The following FARP1 variants were observed in gnomAD, a reference collection of about 807,000 sequenced individuals.
FARP1 encodes FERM, ARHGEF and pleckstrin domain-containing protein 1.
FARP1 carries 52 observed loss-of-function variants against 128.8 expected under a neutral mutation model. That is an observed-to-expected ratio of 0.40 (90% CI 0.32 to 0.51). The LOEUF (loss-of-function observed/expected upper bound fraction) is 0.51. Among genes scored for constraint, FARP1 ranks in the 20% least tolerant of loss-of-function variants. FARP1 has a pLI of 0.45. For missense variants in FARP1, 1,333 were observed against 1,367.9 expected, an observed-to-expected ratio of 0.97 and a Z score of 0.40; for synonymous variants, 580 against 551.8, an observed-to-expected ratio of 1.05 and a Z score of -0.72.
chr13:98,325,475 A>G (rs374758564), intron 2 of FARP1, among the ~76,000 whole-genome samples: 1 of 152,306 alleles, frequency 6.6e-6, no homozygotes, highest in African/African-American at 2.4e-5. Flanking sequence ...TTAAGGAGTA[A>G]ACCATCTCAC....
chr13:98,393,547 A>G, intron 11 of FARP1, 96 bp from the exon 12 acceptor site: 1 of 910,458 alleles, frequency 1.1e-6, no homozygotes. Context: ...GAAGGCACTA[A>G]TACGTCCAAC....
intron 1 of FARP1, among the ~76,000 whole-genome samples, chr13:98,182,465 T>TA (rs1168759235): frequency 6.6e-6 from 1 of 152,088 alleles, no homozygotes; most frequent in East Asian, 1.9e-4. Context: ...AGCTGGGACT[T>TA]ACAGGCACAC....
At chr13:98,394,111 C>CA (rs1890417045) in intron 12 of FARP1, among the ~76,000 whole-genome samples, 1 of 152,122 alleles carries the variant, frequency 6.6e-6, no homozygotes, top group Non-Finnish European at 1.5e-5. Flanking sequence ...GGTGCCAAGG[C>CA]CAGAAGCCTT....
At chr13:98,278,510 C>T (rs1342098338) in intron 2 of FARP1, among the ~76,000 whole-genome samples, 10 of 152,084 alleles carry the variant, frequency 6.6e-5, no homozygotes, top group Non-Finnish European at 1.2e-4. Flanking sequence ...CCCTAATGTG[C>T]AAACAGGGTT....
At chr13:98,308,048 T>A (rs1886261305) in intron 2 of FARP1, among the ~76,000 whole-genome samples, 1 of 22,702 alleles carries the variant, frequency 4.4e-5, no homozygotes, top group African/African-American at 1.6e-4. Flanking sequence ...TTTTTTTTTT[T>A]TTTTTTTTTT....
At chr13:98,344,716 A>G (rs1231600401) in intron 3 of FARP1, among the ~76,000 whole-genome samples, 1 of 152,236 alleles carries the variant, frequency 6.6e-6, no homozygotes, top group African/African-American at 2.4e-5. Context: ...CGTCAGAGGC[A>G]GTGCAGATCG....
intron 2 of FARP1, among the ~76,000 whole-genome samples, chr13:98,311,175 C>G (rs1886442967): frequency 6.6e-6 from 1 of 152,220 alleles, no homozygotes; most frequent in Non-Finnish European, 1.5e-5. Context: ...CCTAATGTAT[C>G]TATTGTGATA....
At chr13:98,368,864 C>A (rs1387689398) in intron 5 of FARP1, among the ~76,000 whole-genome samples, 1 of 151,908 alleles carries the variant, frequency 6.6e-6, no homozygotes, top group Non-Finnish European at 1.5e-5. Context: ...TTGTCGTCAC[C>A]ATCATCATCA....
chr13:98,418,279 T>TG (rs1485905790), intron 16 of FARP1, among the ~76,000 whole-genome samples: 12 of 148,318 alleles, frequency 8.1e-5, no homozygotes, highest in African/African-American at 2.9e-4. Context: ...TGTTTTGTTT[T>TG]TTGTTTTTTT....
At chr13:98,305,404 C>T (rs748225040) in intron 2 of FARP1, among the ~76,000 whole-genome samples, 35 of 151,990 alleles carry the variant, frequency 2.3e-4, no homozygotes, top group Middle Eastern at 3.4e-3. Flanking sequence ...CTCAGCTCAC[C>T]GCAGCCTCCA....
At chr13:98,239,960 A>G (rs1882667784) in intron 2 of FARP1, among the ~76,000 whole-genome samples, 1 of 152,094 alleles carries the variant, frequency 6.6e-6, no homozygotes, top group Non-Finnish European at 1.5e-5. Context: ...GAAGACGGCT[A>G]CCTCTCTTCT....
At chr13:98,263,065 G>A (rs1413289403) in intron 2 of FARP1, among the ~76,000 whole-genome samples, 5 of 152,008 alleles carry the variant, frequency 3.3e-5, no homozygotes, top group African/African-American at 4.8e-5. Context: ...CTGGAGTGCC[G>A]TCGCGCAATC....
intron 2 of FARP1, among the ~76,000 whole-genome samples, chr13:98,215,853 C>A (rs145650522): frequency 3.3e-5 from 5 of 151,182 alleles, no homozygotes; most frequent in African/African-American, 1.2e-4. Context: ...TGCAGTGGTG[C>A]GATCTCAGCT....
At chr13:98,256,946 T>TA (rs1883620021) in intron 2 of FARP1, among the ~76,000 whole-genome samples, 1 of 73,744 alleles carries the variant, frequency 1.4e-5, no homozygotes, top group Non-Finnish European at 2.4e-5. Context: ...AGTATATATG[T>TA]GGATATATAT....
In FARP1 at chr13:98,453,231, G is replaced by A; in HGVS notation, c.*4914G>A. ...GTATCTAGGGAAAAAGAGAGAGAGAGAAGTCAACACATGTCATTTCTCATC... is the reference window on the plus strand; with the variant it reads ...GTATCTAGGGAAAAAGAGAGAGAGAAAAGTCAACACATGTCATTTCTCATC... On this transcript the variant is annotated 3_prime_UTR_variant, in exon 27 of 27. Coordinates refer to ENST00000319562, the MANE Select transcript of FARP1 (RefSeq NM_005766.4). The A allele has an allele frequency of 4.4e-6, 7 of 1,607,990 alleles. No individual in the cohort carries two copies. The highest frequency in any genetic ancestry group is 1.7e-4 in the Middle Eastern group (1 of 6,050).
At chr13:98,446,295 C>T (rs1434997435) in intron 25 of FARP1, 90 bp downstream of exon 25, 22 of 806,192 alleles carry the variant, frequency 2.7e-5, no homozygotes, top group Admixed American at 6.9e-5. Context: ...ATGACTCAGG[C>T]CTCTTGGGCT....
chr13:98,291,467 G>A (rs1885442027), intron 2 of FARP1, among the ~76,000 whole-genome samples: 1 of 152,180 alleles, frequency 6.6e-6, no homozygotes, highest in Non-Finnish European at 1.5e-5. Flanking sequence ...ATGTATTTGG[G>A]TCTGTGAAAC....
In FARP1 at chr13:98,178,189, A is replaced by AT. The variant is rs57310501; in HGVS notation, c.-24+34721dup. ...CTGGTACCTAAGATAATCATTTTTA[A>AT]TTTTTTTTTTTTTTTTTTTTTTTTG... On this transcript the variant is annotated intron_variant, in intron 1 of 26. Transcript: ENST00000319562. Among the ~76,000 whole-genome samples the AT allele has an allele frequency of 2.9e-3, 326 of 112,958 alleles. 3 individuals carry two copies. The highest frequency in any genetic ancestry group is 6.9e-3 in the African/African-American group (211 of 30,516). 74.1% of individuals were successfully genotyped at this position (112,958 alleles called of 152,430 possible).
intron 9 of FARP1, 116 bp downstream of exon 9, chr13:98,388,594 G>T: frequency 1.3e-6 from 1 of 761,850 alleles, no homozygotes; most frequent in Non-Finnish European, 2.3e-6. Flanking sequence ...GTGCTACCCA[G>T]GTGCTTTTGT....
Sources: gnomAD v4.1 joint callset for allele counts (sites outside exome capture counted in the v4.1 genomes callset) on GRCh38, gnomAD v4.1.1 for gene constraint, MANE v1.5 for transcripts, NCBI Gene and HGNC (gene_info 2026-07-23, HGNC 2026-07-21) for gene names.